CCDC40: variants seen among roughly 807,000 people sequenced by gnomAD.
The protein encoded by CCDC40 is coiled-coil domain 40 molecular ruler complex subunit, also known as coiled-coil domain-containing protein 40.
A neutral mutation model predicts 124.5 loss-of-function variants in CCDC40; 104 were observed. That is an observed-to-expected ratio of 0.84 (90% confidence interval 0.71 to 0.98). The LOEUF (loss-of-function observed/expected upper bound fraction) is 0.98, where lower values mean the gene tolerates loss of function less well. Ranked by LOEUF, CCDC40 falls within the 50% of genes least tolerant of loss-of-function variation. CCDC40 has a pLI of 0.00. For synonymous variants in CCDC40, 580 were observed against 602.9 expected, an observed-to-expected ratio of 0.96 and a Z score of 0.56; for missense variants, 1,463 against 1,503.9, an observed-to-expected ratio of 0.97 and a Z score of 0.45.
At chr17:80,094,247 G>GAAAA (rs56368314) in intron 17 of CCDC40, among the ~76,000 whole-genome samples, 1 of 133,594 alleles carries the variant, frequency 7.5e-6, no homozygotes. Flanking sequence ...TGTCTCTACT[G>GAAAA]AAAAAAAAAA....
chr17:80,088,165 C>T lies in CCDC40; in HGVS notation c.2711+63C>T, dbSNP rs895227837. 2.0e-5 allele frequency: 23 copies of T among 1,143,158 alleles called. No homozygotes were observed. In the African/African-American group the frequency reaches 2.1e-4, roughly 11 times the overall value. 70.8% of individuals were successfully genotyped at this position (1,143,158 alleles called of 1,614,324 possible). Reference sequence around the variant, plus strand: ...GTCACTGCACCTACAGGCCTCTGTCCGTTGAAGACCATGTAGGAGGCCAGG... The same window carrying T: ...GTCACTGCACCTACAGGCCTCTGTCTGTTGAAGACCATGTAGGAGGCCAGG... On this transcript the variant is annotated intron_variant, in intron 16 of 19. Transcript: ENST00000397545.
At chr17:80,090,633 C>A in intron 17 of CCDC40, 1 of 1,456,224 alleles carries the variant, frequency 6.9e-7, no homozygotes. Flanking sequence ...CAGAAGGGCT[C>A]AGAGAGCACC....
intron 13 of CCDC40, among the ~76,000 whole-genome samples, chr17:80,085,410 C>T (rs2038561536): frequency 6.6e-6 from 1 of 152,224 alleles, no homozygotes; most frequent in Non-Finnish European, 1.5e-5. Context: ...CCATATACGT[C>T]ATCCAGGTCC....
rs761029623 is a variant in CCDC40, at chr17:80,095,447, G to C, written c.3017G>C (p.Arg1006Pro). The change falls in exon 18 of 20, where the codon CGC (arginine) becomes CCC (proline). Residue 1006 changes from arginine (R) to proline (P), a missense_variant. By Grantham distance (103) the Arg-to-Pro change is moderately radical. Coordinates refer to ENST00000397545, the MANE Select transcript of CCDC40 (RefSeq NM_017950.4). ...CTGCGCCGGAAAATCAGGGACGTTC[G>C]CAAGGTAGGGAGCAGCGGAAAGGAA... ...LELRRKIRDV[R>P]KATDECTKTV... 1 of 1,614,094 alleles carries C rather than the reference G, an allele frequency of 6.2e-7. No individual in the cohort carries two copies. The highest frequency in any genetic ancestry group is 8.5e-7 in the Non-Finnish European group (1 of 1,179,994).
At chr17:80,056,014 A>ATTTTTTTT (rs1173801732) in intron 7 of CCDC40, among the ~76,000 whole-genome samples, 43 of 13,440 alleles carry the variant, frequency 3.2e-3, no homozygotes, top group East Asian at 9.2e-3. Context: ...ATATATATAT[A>ATTTTTTTT]TATTTTTTTT....
In CCDC40 at chr17:80,054,432, T is replaced by G. The variant is rs187515145; in HGVS notation, c.1160-4062T>G. ...CCTTTCAAGGAACAAACACTTCCTG[T>G]GTTATCAAAGCTCCAGGGCATGGAA... On this transcript the variant is annotated intron_variant, in intron 7 of 19. Transcript: ENST00000397545. Among the ~76,000 whole-genome samples the G allele has an allele frequency of 3.5e-3, 535 of 152,290 alleles. 1 individual carries two copies. The highest frequency in any genetic ancestry group is 0.012 in the African/African-American group (511 of 41,568).
chr17:80,068,406 C>T (rs2038104736), intron 10 of CCDC40, among the ~76,000 whole-genome samples: 1 of 152,190 alleles, frequency 6.6e-6, no homozygotes, highest in South Asian at 2.1e-4. Context: ...TTGCTGTTTG[C>T]ACCCAGATAG....
In CCDC40 at chr17:80,089,852, C is replaced by A. The variant is rs775749296; in HGVS notation, c.2800C>A (p.Arg934=). ...VDSEIGQTEI[R]AMKGEIHRMK... ...TTCCGAGATCGGCCAGACGGAGATC[C>A]GGGCCATGAAGGGCGAGATCCACAG... Residue 934 remains arginine, a synonymous_variant, in exon 17 of 20, where the codon CGG becomes AGG. Coordinates refer to ENST00000397545, the MANE Select transcript of CCDC40 (RefSeq NM_017950.4). 6.2e-7 allele frequency: 1 copy of A among 1,614,238 alleles called. No homozygotes were observed. Among genetic ancestry groups the A allele is most frequent in the Non-Finnish European group, 8.5e-7 (1 of 1,180,046 alleles).
intron 9 of CCDC40, among the ~76,000 whole-genome samples, chr17:80,059,965 C>T (rs968391244): frequency 6.6e-6 from 1 of 152,188 alleles, no homozygotes; most frequent in African/African-American, 2.4e-5. Flanking sequence ...GTCTCTCCAG[C>T]TACAAATGCA....
rs371172247 is a variant in CCDC40, at chr17:80,085,771, G to A, written c.2236-232G>A. On this transcript the variant is annotated intron_variant, in intron 13 of 19. Coordinates refer to ENST00000397545, the MANE Select transcript of CCDC40 (RefSeq NM_017950.4). ...CTGCACATCTGCCTCCTGAGTTCAAGCGATTCTCCTGCCTCAGCCTTCCAA... is the reference window on the plus strand; with the variant it reads ...CTGCACATCTGCCTCCTGAGTTCAAACGATTCTCCTGCCTCAGCCTTCCAA... 7.3e-5 allele frequency among the ~76,000 whole-genome samples: 11 copies of A among 149,826 alleles called. 1 individual carries two copies. The highest frequency in any genetic ancestry group is 2.7e-4 in the African/African-American group (11 of 40,704).
intron 10 of CCDC40, among the ~76,000 whole-genome samples, chr17:80,078,601 T>C (rs1002032867): frequency 3.3e-5 from 5 of 152,212 alleles, no homozygotes; most frequent in Admixed American, 6.5e-5. Flanking sequence ...TGTGTGTGTC[T>C]GTTTCCAGAC....
intron 18 of CCDC40, among the ~76,000 whole-genome samples, 194 bp from the exon 19 acceptor site, chr17:80,097,051 G>A (rs2038822796): frequency 6.6e-6 from 1 of 152,222 alleles, no homozygotes; most frequent in Admixed American, 6.5e-5. Context: ...TGCCTTAAAG[G>A]AGCAGTGTGC....
chr17:80,055,181 A>G lies in CCDC40; in HGVS notation c.1160-3313A>G, dbSNP rs373240078. ...ACTTAAAATCAGGAATGAGATGAGG[A>G]GGCCTGCTAGCATAGCAGTTACCCC... On this transcript the variant is annotated intron_variant, in intron 7 of 19. Transcript: ENST00000397545. Among the ~76,000 whole-genome samples, 25 of 152,302 alleles carry G rather than the reference A, an allele frequency of 1.6e-4. No homozygotes were observed. The East Asian group carries it at 3.1e-3, about 19-fold the overall frequency.
Position 80,036,699 on chromosome 17 carries a change from G to T in CCDC40, c.29+8G>T. ...GGGCGGCGCGGCGGGCCGGTAAGCC[G>T]GGCCGAGGGGCAGCGGGTCTTGGAG... is the stretch of plus-strand genomic sequence containing the variant. On this transcript the variant is annotated splice_region_variant and intron_variant, in intron 1 of 19. Coordinates refer to ENST00000397545, the MANE Select transcript of CCDC40 (RefSeq NM_017950.4). The T allele has an allele frequency of 1.4e-6, 2 of 1,462,062 alleles. No homozygotes were observed. Among genetic ancestry groups the T allele is most frequent in the Non-Finnish European group, 1.8e-6 (2 of 1,108,060 alleles). The allele number at this position is 1,462,062 out of a possible 1,614,324, so 90.6% of individuals were successfully genotyped here.
chr17:80,055,570 G>C (rs1458143188), intron 7 of CCDC40, among the ~76,000 whole-genome samples: 1 of 152,154 alleles, frequency 6.6e-6, no homozygotes, highest in Non-Finnish European at 1.5e-5. Context: ...CTGGGAAGAC[G>C]CATGATATAA....
At chr17:80,090,646 C>T in intron 17 of CCDC40, 2 of 1,442,768 alleles carry the variant, frequency 1.4e-6, no homozygotes, top group Non-Finnish European at 1.8e-6. Flanking sequence ...AGAGCACCCC[C>T]ATCTCATCCT....
At chr17:80,056,010 A>ATTTTTTTTTTTTT (rs1326886577) in intron 7 of CCDC40, among the ~76,000 whole-genome samples, 22 of 13,780 alleles carry the variant, frequency 1.6e-3, no homozygotes, top group Admixed American at 4.2e-3. Flanking sequence ...ATATATATAT[A>ATTTTTTTTTTTTT]TATATATTTT....
At chr17:80,056,148 A>G (rs1332821675) in intron 7 of CCDC40, among the ~76,000 whole-genome samples, 2 of 149,978 alleles carry the variant, frequency 1.3e-5, no homozygotes, top group Non-Finnish European at 3.0e-5. Flanking sequence ...CACTGTGTTC[A>G]GCCCTTGTGG....
chr17:80,080,742 G>C (rs1429784843), intron 10 of CCDC40, among the ~76,000 whole-genome samples: 1 of 152,146 alleles, frequency 6.6e-6, no homozygotes, highest in Non-Finnish European at 1.5e-5. Flanking sequence ...TTGTCAACTT[G>C]GGCTTTCAAT....
Sources: gnomAD v4.1 joint callset for allele counts (sites outside exome capture counted in the v4.1 genomes callset) on GRCh38, gnomAD v4.1.1 for gene constraint, MANE v1.5 for transcripts, NCBI Gene and HGNC (gene_info 2026-07-23, HGNC 2026-07-21) for gene names.